MSRA: variants seen among roughly 807,000 people sequenced by gnomAD.
MSRA encodes the protein mitochondrial peptide methionine sulfoxide reductase.
Under a neutral mutation model 31.3 loss-of-function variants are expected in MSRA, and 54 were observed. The observed-to-expected ratio is 1.73, with a 90% CI of 1.39 to 2.17. MSRA has a LOEUF of 2.17. MSRA is among the 30% of genes most tolerant of loss of function. The pLI is 0.00. For missense variants in MSRA, 507 were observed against 300.9 expected, an observed-to-expected ratio of 1.69 and a Z score of -5.07; for synonymous variants, 169 against 116.5, an observed-to-expected ratio of 1.45 and a Z score of -2.90.
At chr8:10,139,936 C>G (rs999224518) in intron 1 of MSRA, among the ~76,000 whole-genome samples, 1 of 152,192 alleles carries the variant, frequency 6.6e-6, no homozygotes, top group African/African-American at 2.4e-5. Flanking sequence ...GATTTCTGTT[C>G]TTACCCATCG....
intron 3 of MSRA, among the ~76,000 whole-genome samples, chr8:10,263,146 A>G (rs1187014738): frequency 6.6e-6 from 1 of 152,236 alleles, no homozygotes; most frequent in Non-Finnish European, 1.5e-5. Flanking sequence ...TTGATTATAA[A>G]ACCAGCATTA....
Position 10,174,327 on chromosome 8 carries a change from T to G in MSRA, c.143-33506T>G, listed in dbSNP as rs530231351. Among the ~76,000 whole-genome samples the G allele has an allele frequency of 3.3e-3, 496 of 152,178 alleles. 6 individuals carry two copies. Among genetic ancestry groups the G allele is most frequent in the African/African-American group, 0.012 (478 of 41,518 alleles). ...GAAAAGAGAAGGTGAGCCGAGCAGA[T>G]GGCGTGCAGGTGAGCGAAGGCATGG... On this transcript the variant is annotated intron_variant, in intron 1 of 5. Coordinates refer to ENST00000317173, the MANE Select transcript of MSRA (RefSeq NM_012331.5).
rs554054806 is a variant in MSRA, at chr8:10,285,247, A to G, written c.332-16287A>G. Among the ~76,000 whole-genome samples, 371 of 152,112 alleles carry G rather than the reference A, an allele frequency of 2.4e-3. 2 individuals carry two copies. Among genetic ancestry groups the G allele is most frequent in the Admixed American group, 3.9e-3 (60 of 15,252 alleles). On this transcript the variant is annotated intron_variant, in intron 3 of 5. Transcript: ENST00000317173. ...GAGCCCTTGACAGCCACCCTTCCCA[A>G]TCTTACGGAGTAGTCTTGCCTGCAT... is the stretch of plus-strand genomic sequence containing the variant.
intron 3 of MSRA, among the ~76,000 whole-genome samples, chr8:10,254,701 T>C (rs1798087872): frequency 6.6e-6 from 1 of 152,204 alleles, no homozygotes; most frequent in Non-Finnish European, 1.5e-5. Flanking sequence ...GCTGGTGGGA[T>C]TGAAAATAAA....
At chr8:10,144,630 T>C (rs1485653364) in intron 1 of MSRA, among the ~76,000 whole-genome samples, 3 of 152,048 alleles carry the variant, frequency 2.0e-5, no homozygotes, top group Non-Finnish European at 2.9e-5. Context: ...CTGCTTTTTT[T>C]CCTTGATCTC....
rs185157726 is a variant in MSRA at position 10,144,652 on chromosome 8, C to T, written c.143-63181C>T. The stretch of plus-strand genomic sequence containing the variant: ...TTTTCCTTGATCTCTGCAATGTGCC[C>T]AACCCCCAAGTATAATTCTGATTGG... On this transcript the variant is annotated intron_variant, in intron 1 of 5. Transcript: ENST00000317173. Among the ~76,000 whole-genome samples, 7 of 150,844 alleles carry T rather than the reference C, an allele frequency of 4.6e-5. No individual in the cohort carries two copies. In the East Asian group the frequency reaches 1.4e-3, roughly 30 times the overall value.
chr8:10,189,736 A>G (rs758420395), intron 1 of MSRA, among the ~76,000 whole-genome samples: 2 of 152,144 alleles, frequency 1.3e-5, no homozygotes, highest in South Asian at 2.1e-4. Flanking sequence ...TGAATTCAGT[A>G]TTATTAAAGA....
At chr8:10,162,156 C>T (rs886895343) in intron 1 of MSRA, among the ~76,000 whole-genome samples, 1 of 152,154 alleles carries the variant, frequency 6.6e-6, no homozygotes. Context: ...GGGGAGTGGT[C>T]TGCGGTGGAA....
chr8:10,323,544 A>G (rs1802178622), intron 5 of MSRA, among the ~76,000 whole-genome samples: 2 of 152,294 alleles, frequency 1.3e-5, no homozygotes, highest in South Asian at 4.1e-4. Flanking sequence ...TTCTACCCTC[A>G]GTTTTGAGGG....
chr8:10,180,685 A>G (rs1422516312), intron 1 of MSRA, among the ~76,000 whole-genome samples: 1 of 152,232 alleles, frequency 6.6e-6, no homozygotes, highest in Non-Finnish European at 1.5e-5. Flanking sequence ...AACCAGAGGC[A>G]GAGAGCAAAT....
intron 5 of MSRA, among the ~76,000 whole-genome samples, chr8:10,395,883 G>A (rs1467779446): frequency 6.6e-6 from 1 of 152,112 alleles, no homozygotes; most frequent in East Asian, 1.9e-4. Context: ...TCCCCCTTCT[G>A]TACAAAAGCT....
chr8:10,392,633 C>T (rs1806817986), intron 5 of MSRA, among the ~76,000 whole-genome samples: 1 of 151,716 alleles, frequency 6.6e-6, no homozygotes, highest in Non-Finnish European at 1.5e-5. Flanking sequence ...TTTATGAAGA[C>T]ACCTCATCCT....
chr8:10,384,666 A>T (rs138046342), intron 5 of MSRA, among the ~76,000 whole-genome samples: 1 of 152,308 alleles, frequency 6.6e-6, no homozygotes, highest in East Asian at 1.9e-4. Context: ...GAACTGTTGC[A>T]CTAGCGGAAG....
chr8:10,074,218 G>A (rs888339503), intron 1 of MSRA, among the ~76,000 whole-genome samples: 17 of 151,606 alleles, frequency 1.1e-4, no homozygotes, highest in South Asian at 4.2e-4. Flanking sequence ...GAGTACCTGG[G>A]ACTACATGCA....
chr8:10,061,174 C>G (rs938808420), intron 1 of MSRA, among the ~76,000 whole-genome samples: 1 of 152,108 alleles, frequency 6.6e-6, no homozygotes, highest in Non-Finnish European at 1.5e-5. Flanking sequence ...TCCACTGTGT[C>G]CCTGTAGAAC....
chr8:10,323,605 GTAT>G (rs986903165), intron 5 of MSRA, among the ~76,000 whole-genome samples: 2 of 152,104 alleles, frequency 1.3e-5, no homozygotes, highest in Non-Finnish European at 2.9e-5. Context: ...TAAAATTTAG[GTAT>G]TATATAATTA....
At chr8:10,417,353 C>G (rs1808522255) in intron 5 of MSRA, among the ~76,000 whole-genome samples, 1 of 151,884 alleles carries the variant, frequency 6.6e-6, no homozygotes. Flanking sequence ...GTCCCAGAGC[C>G]TGGAGCTCCT....
At chr8:10,284,574 C>T (rs913249809) in intron 3 of MSRA, among the ~76,000 whole-genome samples, 3 of 152,198 alleles carry the variant, frequency 2.0e-5, no homozygotes, top group Admixed American at 6.5e-5. Flanking sequence ...TTGTGCCAAA[C>T]ATTGGATTCA....
At chr8:10,089,631 G>A (rs1798759923) in intron 1 of MSRA, among the ~76,000 whole-genome samples, 1 of 152,184 alleles carries the variant, frequency 6.6e-6, no homozygotes, top group Non-Finnish European at 1.5e-5. Flanking sequence ...AATTTATACA[G>A]AAAAGAGGTC....
Sources: gnomAD v4.1 joint callset for allele counts (sites outside exome capture counted in the v4.1 genomes callset) on GRCh38, gnomAD v4.1.1 for gene constraint, MANE v1.5 for transcripts, NCBI Gene and HGNC (gene_info 2026-07-23, HGNC 2026-07-21) for gene names.